The following NBPF9 variants were observed in gnomAD, a reference collection of about 807,000 sequenced individuals.
NBPF9 encodes the protein NBPF family member NBPF9.
NBPF9 carries 91 observed loss-of-function variants against 97.8 expected under a neutral mutation model. The ratio of observed to expected loss-of-function variants is 0.93; its 90% CI spans 0.79 to 1.11. The LOEUF is 1.11. Ranked by LOEUF, NBPF9 falls within the 50% of genes least tolerant of loss-of-function variation. NBPF9 has a pLI of 0.00. For synonymous variants in NBPF9, 334 were observed against 359.5 expected (o/e 0.93, Z 0.80); for missense variants, 992 against 939.5 (o/e 1.06, Z -0.73).
intron 29 of NBPF9, 27 bp from the exon 30 acceptor site, chr1:149,055,926 G>A (rs587731767): frequency 3.0e-4 from 489 of 1,611,642 alleles, no homozygotes; most frequent in Non-Finnish European, 3.9e-4. Flanking sequence ...AACTAAAGAA[G>A]CAGCCAGGGA....
intron 5 of NBPF9, among the ~76,000 whole-genome samples, chr1:149,084,321 TAC>T (rs753596447): frequency 3.4e-5 from 5 of 147,564 alleles, no homozygotes; most frequent in Non-Finnish European, 7.4e-5. Context: ...ATATAATATA[TAC>T]ACACACATGA....
At chr1:149,100,933 G>GA (rs4067399) in intron 3 of NBPF9, among the ~76,000 whole-genome samples, 312 of 131,622 alleles carry the variant, frequency 2.4e-3, no homozygotes, top group Middle Eastern at 0.013. Flanking sequence ...GGCCCTGTCT[G>GA]AAAAAAAAAA....
intron 10 of NBPF9, 143 bp from the exon 11 acceptor site, chr1:149,077,562 G>C: frequency 1.2e-6 from 1 of 862,946 alleles, no homozygotes; most frequent in Non-Finnish European, 1.9e-6. Flanking sequence ...GAGGGAACAG[G>C]CAATCCTCTT....
chr1:149,060,806 G>A lies in NBPF9; in HGVS notation c.2304-111C>T, dbSNP rs1329056259. The A allele has an allele frequency of 1.3e-5, 5 of 386,934 alleles. 1 individual carries two copies. The highest frequency in any genetic ancestry group is 2.2e-5 in the Non-Finnish European group (5 of 225,144). 24.0% of individuals were successfully genotyped at this position (386,934 alleles called of 1,614,324 possible). A position where few individuals can be genotyped will look rare whatever the true frequency, so the allele number is the denominator to read the frequency against. ...AAGTGGTTAAAAAACTAAAAGGATA[G>A]ATCCATTAATGAGGTAACAAATTAT... On this transcript the variant is annotated intron_variant, in intron 23 of 29. Coordinates refer to ENST00000584027, the Ensembl canonical transcript of NBPF9.
At chr1:149,074,892 A>G (rs2079724785) in intron 12 of NBPF9, among the ~76,000 whole-genome samples, 1 of 151,076 alleles carries the variant, frequency 6.6e-6, no homozygotes, top group East Asian at 1.9e-4. Context: ...GCTCACTGCA[A>G]CCTCAGCCTC....
At chr1:149,055,604 G>C (rs1407662784) in exon 30 of NBPF9, 3 of 1,607,020 alleles carry the variant, frequency 1.9e-6, no homozygotes, top group African/African-American at 2.7e-5. Flanking sequence ...AACTTCACGT[G>C]CCTATAGGTC....
chr1:149,081,143 C>T (rs1392411301), intron 7 of NBPF9, among the ~76,000 whole-genome samples: 33 of 152,114 alleles, frequency 2.2e-4, no homozygotes, highest in African/African-American at 3.6e-4. Context: ...TGTTTTTTGA[C>T]GAGTCTTGCC....
chr1:149,062,544 G>T (rs1348912824), intron 21 of NBPF9, among the ~76,000 whole-genome samples: 7 of 143,200 alleles, frequency 4.9e-5, no homozygotes, highest in Admixed American at 2.9e-4. Context: ...GACACTCTGA[G>T]TTAGTGCCCT....
chr1:149,071,528 T>G, intron 15 of NBPF9, 76 bp downstream of exon 15: 1 of 1,020,436 alleles, frequency 9.8e-7, no homozygotes, highest in Non-Finnish European at 1.5e-6. Flanking sequence ...CCATCATAGA[T>G]GCCAGAGAGG....
chr1:149,071,418 G>A (rs587641614), intron 15 of NBPF9, among the ~76,000 whole-genome samples, 186 bp downstream of exon 15: 142 of 148,562 alleles, frequency 9.6e-4, no homozygotes, highest in Non-Finnish European at 1.8e-3. Context: ...GTGCAGACAT[G>A]ACACTCGGCA....
chr1:149,097,065 G>A (rs1553661852), intron 4 of NBPF9, among the ~76,000 whole-genome samples: 1 of 143,404 alleles, frequency 7.0e-6, no homozygotes, highest in African/African-American at 2.7e-5. Flanking sequence ...AGGGAGGGAA[G>A]GAAGGAGGAA....
chr1:149,087,553 T>C (rs1324306662), intron 5 of NBPF9, among the ~76,000 whole-genome samples: 7 of 150,568 alleles, frequency 4.6e-5, no homozygotes, highest in African/African-American at 1.7e-4. Context: ...ATTATTCTTT[T>C]ATAATATTGC....
At chr1:149,072,607 A>C (rs1185097287) in intron 14 of NBPF9, 111 bp downstream of exon 14, 2 of 1,448,420 alleles carry the variant, frequency 1.4e-6, no homozygotes, top group Non-Finnish European at 1.9e-6. Context: ...TGGCCACATA[A>C]GCTTAGTGGA....
chr1:149,078,941 G>A, intron 9 of NBPF9, 66 bp downstream of exon 9: 7 of 1,509,832 alleles, frequency 4.6e-6, no homozygotes, highest in South Asian at 3.4e-5. Context: ...CATTGTGAAA[G>A]TATGGAGGTC....
intron 8 of NBPF9, 46 bp downstream of exon 8, chr1:149,080,007 G>A (rs782786330): frequency 2.7e-6 from 4 of 1,469,776 alleles, no homozygotes; most frequent in Admixed American, 3.3e-5. Flanking sequence ...GTACTTCAGA[G>A]ATCTACACAC....
chr1:149,097,111 TGGAAG>T (rs1172085252), intron 4 of NBPF9, among the ~76,000 whole-genome samples: 5 of 95,514 alleles, frequency 5.2e-5, no homozygotes, highest in African/African-American at 2.0e-4. Flanking sequence ...GGAGGGAGGG[TGGAAG>T]GGAAGGAGGG....
At chr1:149,080,732 A>C (rs1359358529) in intron 7 of NBPF9, among the ~76,000 whole-genome samples, 4 of 123,652 alleles carry the variant, frequency 3.2e-5, no homozygotes, top group African/African-American at 1.3e-4. Flanking sequence ...TATTAGTATG[A>C]GAGGCAGCAT....
chr1:149,098,555 G>A (rs1362165347), exon 4 of NBPF9: 5 of 1,463,706 alleles, frequency 3.4e-6, no homozygotes, highest in Non-Finnish European at 1.8e-6. Context: ...CCTGGACAGT[G>A]GGAATTGGTG....
intron 7 of NBPF9, among the ~76,000 whole-genome samples, chr1:149,081,394 A>G (rs1257628285): frequency 6.6e-6 from 1 of 151,530 alleles, no homozygotes; most frequent in Middle Eastern, 3.2e-3. Flanking sequence ...CTGAGATTAC[A>G]GGAGTGAGCC....
Sources: gnomAD v4.1 joint callset for allele counts (sites outside exome capture counted in the v4.1 genomes callset) on GRCh38, gnomAD v4.1.1 for gene constraint, MANE v1.5 for transcripts, NCBI Gene and HGNC (gene_info 2026-07-23, HGNC 2026-07-21) for gene names.